SYT16: variants seen among roughly 807,000 people sequenced by gnomAD.
SYT16 encodes synaptotagmin 16, also known as synaptotagmin-16.
A neutral mutation model predicts 61.4 loss-of-function variants in SYT16; 42 were observed. That is an observed-to-expected ratio of 0.68 (90% CI 0.53 to 0.89). SYT16 has a LOEUF of 0.89. Ranked by LOEUF, SYT16 falls within the 40% of genes least tolerant of loss-of-function variation. SYT16 has a pLI of 0.00. For synonymous variants in SYT16, 314 were observed against 302.3 expected (o/e 1.04, Z -0.40); for missense variants, 804 against 807.3 (o/e 1.00, Z 0.05).
At position 61,932,137 on chromosome 14, in the gene SYT16, C is replaced by A. The variant is rs376654385; in HGVS notation, c.-324-37995C>A. 2.6e-5 allele frequency among the ~76,000 whole-genome samples: 4 copies of A among 152,132 alleles called. No individual in the cohort carries two copies. In the East Asian group the frequency reaches 7.7e-4, roughly 29 times the overall value. On this transcript the variant is annotated intron_variant, in intron 1 of 7. Coordinates refer to ENST00000683842, the MANE Select transcript of SYT16 (RefSeq NM_001367656.1). Reference sequence around the variant, plus strand: ...GCACTGTGGCCACCAGCCAGCACACCCAGCTCCTTCATAACCGAGATACCC... The same window carrying A: ...GCACTGTGGCCACCAGCCAGCACACACAGCTCCTTCATAACCGAGATACCC...
At chr14:61,937,823 C>T (rs897752332) in intron 1 of SYT16, among the ~76,000 whole-genome samples, 2 of 152,054 alleles carry the variant, frequency 1.3e-5, no homozygotes, top group Non-Finnish European at 2.9e-5. Context: ...ACCCCAGGGA[C>T]TCCCATGTTT....
chr14:61,844,835 T>C (rs1414171245), intron 1 of SYT16, among the ~76,000 whole-genome samples: 1 of 152,148 alleles, frequency 6.6e-6, no homozygotes, highest in Non-Finnish European at 1.5e-5. Context: ...GATATTGGGC[T>C]ACAGTTTTCT....
chr14:62,045,707 GT>G (rs1555375391), intron 3 of SYT16, among the ~76,000 whole-genome samples: 6 of 151,956 alleles, frequency 3.9e-5, no homozygotes, highest in Non-Finnish European at 7.4e-5. Flanking sequence ...GCGGTGTTTG[GT>G]TTTTTGTCCT....
Position 62,084,321 on chromosome 14 carries a change from G to A in SYT16, c.1560G>A (p.Gly520=). ...LVGLSYNATT[G]RLSVEMIKGS... is the part of the protein sequence containing the mutation. ...GGCTCTCGTACAATGCCACAACGGG[G>A]CGATTATCTGTGGAAATGATCAAAG... Residue 520 remains glycine, a synonymous_variant, in exon 7 of 8, where the codon GGG becomes GGA. Transcript: ENST00000683842. The A allele has an allele frequency of 1.2e-6, 2 of 1,613,450 alleles. No homozygotes were observed. Among genetic ancestry groups the A allele is most frequent in the South Asian group, 2.2e-5 (2 of 90,992 alleles).
At chr14:61,900,124 G>C (rs1028214826) in intron 1 of SYT16, among the ~76,000 whole-genome samples, 5 of 150,588 alleles carry the variant, frequency 3.3e-5, no homozygotes, top group African/African-American at 1.2e-4. Context: ...TAGTGACTTT[G>C]ATTGCCAGGC....
intron 1 of SYT16, among the ~76,000 whole-genome samples, chr14:61,894,868 C>T (rs1482608614): frequency 1.3e-5 from 2 of 152,206 alleles, no homozygotes; most frequent in African/African-American, 4.8e-5. Flanking sequence ...GGAAAAAATG[C>T]AATCAAATGA....
At chr14:61,957,517 A>G (rs542285556) in intron 1 of SYT16, among the ~76,000 whole-genome samples, 1 of 152,046 alleles carries the variant, frequency 6.6e-6, no homozygotes, top group African/African-American at 2.4e-5. Flanking sequence ...TTACGAGACA[A>G]TGTTGAATTT....
At chr14:62,075,527 C>G in intron 5 of SYT16, 136 bp downstream of exon 5, 1 of 991,518 alleles carries the variant, frequency 1.0e-6, no homozygotes, top group Non-Finnish European at 1.4e-6. Context: ...AAATTTTTGT[C>G]CAGATGACCA....
At chr14:61,872,305 A>G (rs1434266683) in intron 1 of SYT16, among the ~76,000 whole-genome samples, 3 of 152,186 alleles carry the variant, frequency 2.0e-5, no homozygotes, top group African/African-American at 4.8e-5. Flanking sequence ...ATACTTTCAT[A>G]TAATGTGTAA....
chr14:62,026,760 G>A (rs1232254257), intron 3 of SYT16, among the ~76,000 whole-genome samples: 1 of 152,186 alleles, frequency 6.6e-6, no homozygotes, highest in Non-Finnish European at 1.5e-5. Flanking sequence ...GAGAATATAT[G>A]AGAATAAATG....
At chr14:61,995,022 G>T (rs1337210439) in intron 2 of SYT16, among the ~76,000 whole-genome samples, 6 of 152,114 alleles carry the variant, frequency 3.9e-5, no homozygotes, top group Non-Finnish European at 5.9e-5. Context: ...TTGAGCTGTT[G>T]ATGAACACTG....
chr14:62,000,648 G>A (rs2052975976), intron 3 of SYT16, among the ~76,000 whole-genome samples: 1 of 151,496 alleles, frequency 6.6e-6, no homozygotes, highest in African/African-American at 2.4e-5. Flanking sequence ...TGCTTTCTTT[G>A]TACTGAGTAT....
chr14:62,098,348 G>A (rs2057331924), intron 7 of SYT16, among the ~76,000 whole-genome samples: 1 of 152,224 alleles, frequency 6.6e-6, no homozygotes, highest in Non-Finnish European at 1.5e-5. Context: ...AATAATGTGT[G>A]CATGTTAGTA....
In SYT16 at chr14:62,034,570, C is replaced by G. The variant is rs539372316; in HGVS notation, c.524-35033C>G. ...ATGCTACAACATGGGTGAAGCTTGG[C>G]AACATGCAAATGAAAGAAGTCAGTA... On this transcript the variant is annotated intron_variant, in intron 3 of 7. Coordinates refer to ENST00000683842, the MANE Select transcript of SYT16 (RefSeq NM_001367656.1). 2.6e-5 allele frequency among the ~76,000 whole-genome samples: 4 copies of G among 152,182 alleles called. No homozygotes were observed. In the South Asian group the frequency reaches 8.3e-4, roughly 32 times the overall value.
intron 1 of SYT16, among the ~76,000 whole-genome samples, chr14:61,884,000 G>T (rs925720920): frequency 2.0e-5 from 3 of 152,132 alleles, no homozygotes; most frequent in Admixed American, 1.3e-4. Context: ...ACCTCCACCT[G>T]GTCCCACCCT....
chr14:62,075,203 G>T lies in SYT16; in HGVS notation c.805G>T (p.Ala269Ser). 1 of 1,613,314 alleles carries T rather than the reference G, an allele frequency of 6.2e-7. No homozygotes were observed. Among genetic ancestry groups the T allele is most frequent in the Non-Finnish European group, 8.5e-7 (1 of 1,179,584 alleles). The change falls in exon 5 of 8, where the codon GCT (alanine) becomes TCT (serine). Residue 269 changes from alanine (A) to serine (S), a missense_variant. By Grantham distance (99) the Ala-to-Ser change is moderately conservative. Transcript: ENST00000683842. The part of the protein sequence containing the change: ...LSYGEDDHIP[A>S]HSQSPCERGD... ...CTACGGTGAAGATGACCACATCCCT[G>T]CTCACTCACAGTCCCCATGTGAAAG...
chr14:61,844,418 T>G (rs1337649291), intron 1 of SYT16, among the ~76,000 whole-genome samples: 1 of 152,188 alleles, frequency 6.6e-6, no homozygotes, highest in Non-Finnish European at 1.5e-5. Context: ...CTTCCAGTAT[T>G]ATGTCAAATA....
Position 62,018,298 on chromosome 14 carries a change from CTTTTTTTTTTTTT to C in SYT16, c.523+21772_523+21784del, listed in dbSNP as rs776473522. 7.4e-4 allele frequency among the ~76,000 whole-genome samples: 38 copies of C among 51,648 alleles called. No homozygotes were observed. The South Asian group carries it at 0.027, about 36-fold the overall frequency. 33.9% of individuals were successfully genotyped at this position (51,648 alleles called of 152,430 possible). ...GGGTCTTTCTCTTCTTCTTCTTCTT[CTTTTTTTTTTTTT>C]TTTTTTTTTTTTTTTGAGACTGTCT... On this transcript the variant is annotated intron_variant, in intron 3 of 7. Transcript: ENST00000683842.
At chr14:61,840,904 T>A (rs1241252025) in intron 1 of SYT16, among the ~76,000 whole-genome samples, 1 of 152,166 alleles carries the variant, frequency 6.6e-6, no homozygotes, top group Non-Finnish European at 1.5e-5. Context: ...TTGAGTATAT[T>A]TATAGGCTCA....
Sources: gnomAD v4.1 joint callset for allele counts (sites outside exome capture counted in the v4.1 genomes callset) on GRCh38, gnomAD v4.1.1 for gene constraint, MANE v1.5 for transcripts, NCBI Gene and HGNC (gene_info 2026-07-23, HGNC 2026-07-21) for gene names.